SEPTIN9: variants seen among roughly 807,000 people sequenced by gnomAD.
SEPTIN9 encodes the protein septin-9.
SEPTIN9 carries 13 observed loss-of-function variants against 56.6 expected under a neutral mutation model. The ratio of observed to expected loss-of-function variants is 0.23; its 90% confidence interval spans 0.15 to 0.37. SEPTIN9 has a LOEUF of 0.37. Among genes scored for constraint, SEPTIN9 ranks in the 10% least tolerant of loss-of-function variants. SEPTIN9 has a pLI of 1.00. For synonymous variants in SEPTIN9, 332 were observed against 334.1 expected (o/e 0.99, Z 0.07); for missense variants, 650 against 823.1 (o/e 0.79, Z 2.57).
chr17:77,466,872 G>A (rs575986576), intron 3 of SEPTIN9, among the ~76,000 whole-genome samples: 80 of 152,252 alleles, frequency 5.3e-4, no homozygotes, highest in Non-Finnish European at 1.6e-4. Context: ...TAGAGTGCAC[G>A]CACAGCACCG....
intron 3 of SEPTIN9, among the ~76,000 whole-genome samples, chr17:77,460,929 G>T (rs1415099061): frequency 1.3e-5 from 2 of 152,204 alleles, no homozygotes; most frequent in Non-Finnish European, 2.9e-5. Context: ...TTAAGTGGAG[G>T]TTTATGACTT....
In SEPTIN9 at chr17:77,435,312, G is replaced by C. The variant is rs1239474629; in HGVS notation, c.721+32609G>C. 6.6e-6 allele frequency among the ~76,000 whole-genome samples: 1 copy of C among 152,112 alleles called. No individual in the cohort carries two copies. The highest frequency in any genetic ancestry group is 1.5e-5 in the Non-Finnish European group (1 of 68,008). ...GAGGCCCAGAGGAGTGCAGTGACTTGGCCAGCTTCGCACGGCAGGTTAGTG... is the reference window on the plus strand; with the variant it reads ...GAGGCCCAGAGGAGTGCAGTGACTTCGCCAGCTTCGCACGGCAGGTTAGTG... On this transcript the variant is annotated intron_variant, in intron 3 of 11. Transcript: ENST00000427177. The surrounding 1 kb of genome is among the most constrained non-coding windows in gnomAD (Gnocchi z 4.5).
At chr17:77,314,838 G>A (rs1041924790) in intron 2 of SEPTIN9, among the ~76,000 whole-genome samples, 9 of 152,208 alleles carry the variant, frequency 5.9e-5, no homozygotes, top group Non-Finnish European at 1.3e-4. Context: ...AGTCCACCCT[G>A]GGGAATGCCT....
chr17:77,389,100 G>A lies in SEPTIN9; in HGVS notation c.77-12959G>A, dbSNP rs746910963. Among the ~76,000 whole-genome samples, 2 of 152,136 alleles carry A rather than the reference G, an allele frequency of 1.3e-5. No individual in the cohort carries two copies. The highest frequency in any genetic ancestry group is 2.9e-5 in the Non-Finnish European group (2 of 68,022). On this transcript the variant is annotated intron_variant, in intron 2 of 11. Transcript: ENST00000427177. The surrounding 1 kb of genome is among the most constrained non-coding windows in gnomAD (Gnocchi z 4.3). ...CTCCAGGTCCGGGTCCTGGTCCCCG[G>A]CAGAGCTTCCCATCCATGGGAAGAA...
chr17:77,312,564 C>T (rs1056681067), intron 2 of SEPTIN9, among the ~76,000 whole-genome samples: 2 of 152,166 alleles, frequency 1.3e-5, no homozygotes, highest in Non-Finnish European at 2.9e-5. Flanking sequence ...ATTTCTGTGT[C>T]CTCCATAGCC....
At chr17:77,468,061 C>T (rs1031208971) in intron 3 of SEPTIN9, among the ~76,000 whole-genome samples, 1 of 151,874 alleles carries the variant, frequency 6.6e-6, no homozygotes, top group African/African-American at 2.4e-5. Context: ...GTCAGGAGAT[C>T]GAGACCATCC....
intron 1 of SEPTIN9, among the ~76,000 whole-genome samples, chr17:77,305,227 G>T (rs982026972): frequency 6.6e-6 from 1 of 152,164 alleles, no homozygotes; most frequent in Non-Finnish European, 1.5e-5. Context: ...TGAGGTCACG[G>T]ACATGGCTGG....
At position 77,433,496 on chromosome 17, in the gene SEPTIN9, GT is replaced by G. The variant is rs2037224524; in HGVS notation, c.721+30794del. Among the ~76,000 whole-genome samples the G allele has an allele frequency of 2.0e-5, 3 of 152,138 alleles. No individual in the cohort carries two copies. Among genetic ancestry groups the G allele is most frequent in the Admixed American group, 1.3e-4 (2 of 15,280 alleles). ...GGGACACGGAGAGGCTTTTGTGCCT[GT>G]GACGGCCAAAAGGGATGGCGCCCCA... On this transcript the variant is annotated intron_variant, in intron 3 of 11. Coordinates refer to ENST00000427177, the MANE Select transcript of SEPTIN9 (RefSeq NM_001113491.2). This position sits in a 1 kb window ranked among gnomAD's most constrained non-coding sequence, Gnocchi z 6.4.
intron 3 of SEPTIN9, among the ~76,000 whole-genome samples, chr17:77,418,237 G>A (rs2036571923): frequency 6.6e-6 from 1 of 152,180 alleles, no homozygotes; most frequent in Non-Finnish European, 1.5e-5. Context: ...GCCTCTTGTG[G>A]GTCTGAAGCT....
At chr17:77,334,238 C>T (rs958724051) in intron 2 of SEPTIN9, among the ~76,000 whole-genome samples, 17 of 151,812 alleles carry the variant, frequency 1.1e-4, no homozygotes, top group East Asian at 5.8e-4. Flanking sequence ...CTGGCTAACA[C>T]GGTGAAACCC....
At chr17:77,345,609 G>A (rs1395940048) in intron 2 of SEPTIN9, among the ~76,000 whole-genome samples, 2 of 152,202 alleles carry the variant, frequency 1.3e-5, no homozygotes, top group Non-Finnish European at 2.9e-5. Flanking sequence ...AGTTTGCTGA[G>A]GTCCCATTGG....
At chr17:77,325,296 T>G (rs1339129021) in intron 2 of SEPTIN9, among the ~76,000 whole-genome samples, 1 of 152,238 alleles carries the variant, frequency 6.6e-6, no homozygotes, top group Non-Finnish European at 1.5e-5. Flanking sequence ...AGGTCTTTGA[T>G]GCAAGTTGAG....
chr17:77,405,159 G>T lies in SEPTIN9; in HGVS notation c.721+2456G>T. 1 of 1,527,112 alleles carries T rather than the reference G, an allele frequency of 6.5e-7. No homozygotes were observed. The highest frequency in any genetic ancestry group is 8.8e-7 in the Non-Finnish European group (1 of 1,139,322). 94.6% of individuals were successfully genotyped at this position (1,527,112 alleles called of 1,614,324 possible). A position where few individuals can be genotyped will look rare whatever the true frequency, so the allele number is the denominator to read the frequency against. ...GGGACAGGTAGGGGGATGTCCATGG[G>T]GATGTACAAGAACATTCTCCTCCAG... On this transcript the variant is annotated intron_variant, in intron 3 of 11. Coordinates refer to ENST00000427177, the MANE Select transcript of SEPTIN9 (RefSeq NM_001113491.2). This position sits in a 1 kb window ranked among gnomAD's most constrained non-coding sequence, Gnocchi z 5.8.
rs762833371 is a variant in SEPTIN9, at chr17:77,499,160, G to C, written c.*502G>C. 3.7e-6 allele frequency: 2 copies of C among 537,354 alleles called. No homozygotes were observed. The highest frequency in any genetic ancestry group is 7.2e-6 in the Non-Finnish European group (2 of 277,062). The allele number at this position is 537,354 out of a possible 1,614,324, so 33.3% of individuals were successfully genotyped here. ...CACCTGGACCCCCTGCCCGCCACAT[G>C]GTGTGGCCATCACTCAGCCCCTACC... On this transcript the variant is annotated 3_prime_UTR_variant, in exon 12 of 12. Transcript: ENST00000427177.
At position 77,490,742 on chromosome 17, in the gene SEPTIN9, C is replaced by T. The variant is rs757899676; in HGVS notation, c.1263C>T (p.Ser421=). The change falls in exon 8 of 12, where the codon TCC becomes TCT. Residue 421 remains serine, a splice_region_variant and synonymous_variant. Transcript: ENST00000427177. ...CLYFIPATGH[S]LRPLDIEFMK... is the part of the protein sequence containing the mutation. ...CCTCACGCACATCCCTCTGCTTCAG[C>T]CTCAGGCCCCTGGACATCGAGTTTA... 1 of 1,565,054 alleles carries T rather than the reference C, an allele frequency of 6.4e-7. No individual in the cohort carries two copies. The highest frequency in any genetic ancestry group is 1.9e-5 in the Admixed American group (1 of 53,042).
chr17:77,306,800 C>A (rs947689338), intron 1 of SEPTIN9, among the ~76,000 whole-genome samples: 3 of 152,240 alleles, frequency 2.0e-5, no homozygotes, highest in African/African-American at 7.2e-5. Context: ...GACGTGGGCT[C>A]ACCTGTGTGC....
rs367749793 is a variant in SEPTIN9 at position 77,319,990 on chromosome 17, G to A, written c.76+12793G>A. 3.9e-5 allele frequency: 48 copies of A among 1,231,582 alleles called. No homozygotes were observed. The East Asian group carries it at 4.8e-4, about 12-fold the overall frequency. The allele number at this position is 1,231,582 out of a possible 1,614,324, so 76.3% of individuals were successfully genotyped here. On this transcript the variant is annotated intron_variant, in intron 2 of 11. Transcript: ENST00000427177. This position sits in a 1 kb window ranked among gnomAD's most constrained non-coding sequence, Gnocchi z 5.3. Reference sequence around the variant, plus strand: ...CTCTGGGACTCTCGCAGGCAGACCCGGTGGTCTGCCGGACTCCTCGGGGCC... The same window carrying A: ...CTCTGGGACTCTCGCAGGCAGACCCAGTGGTCTGCCGGACTCCTCGGGGCC...
intron 3 of SEPTIN9, among the ~76,000 whole-genome samples, chr17:77,418,280 C>T (rs766524170): frequency 6.6e-6 from 1 of 152,158 alleles, no homozygotes; most frequent in African/African-American, 2.4e-5. Flanking sequence ...CTCAGATGGC[C>T]GGAAAGGCAG....
chr17:77,304,926 A>G (rs56212842), intron 1 of SEPTIN9, among the ~76,000 whole-genome samples: 10,912 of 151,984 alleles, frequency 0.072, 597 homozygotes, highest in African/African-American at 0.14. Flanking sequence ...GGCTCACTGT[A>G]TGCCACTCAG....
Sources: gnomAD v4.1 joint callset for allele counts (sites outside exome capture counted in the v4.1 genomes callset) on GRCh38, gnomAD v4.1.1 for gene constraint, Gnocchi (gnomAD v3.1) non-coding constraint, MANE v1.5 for transcripts, NCBI Gene and HGNC (gene_info 2026-07-23, HGNC 2026-07-21) for gene names.